The following IMMP2L variants were observed in gnomAD, a reference collection of about 807,000 sequenced individuals.
IMMP2L encodes the protein inner mitochondrial membrane peptidase subunit 2, also known as mitochondrial inner membrane protease subunit 2.
Under a neutral mutation model 19.3 loss-of-function variants are expected in IMMP2L, and 18 were observed. The observed-to-expected ratio is 0.93, with a 90% CI of 0.64 to 1.38. The LOEUF is 1.38. Among genes scored for constraint, IMMP2L ranks in the 40% most tolerant of loss-of-function variants. The probability of loss-of-function intolerance (pLI) is 0.00; values close to 1 mark genes in which losing one functional copy is unlikely to be tolerated. For missense variants in IMMP2L, 233 were observed against 218.2 expected, an observed-to-expected ratio of 1.07 and a Z score of -0.43; for synonymous variants, 76 against 73.0, an observed-to-expected ratio of 1.04 and a Z score of -0.21.
intron 3 of IMMP2L, among the ~76,000 whole-genome samples, chr7:111,015,318 T>C (rs1825388255): frequency 6.6e-6 from 1 of 152,126 alleles, no homozygotes; most frequent in Non-Finnish European, 1.5e-5. Flanking sequence ...AGACAAATAC[T>C]GTATGATTCC....
At chr7:111,206,275 A>G (rs1325591966) in intron 3 of IMMP2L, among the ~76,000 whole-genome samples, 3 of 152,186 alleles carry the variant, frequency 2.0e-5, no homozygotes, top group African/African-American at 7.2e-5. Flanking sequence ...ATCCACCCAG[A>G]GGAAACAAAC....
intron 3 of IMMP2L, among the ~76,000 whole-genome samples, chr7:111,446,001 G>A (rs1248035498): frequency 6.6e-6 from 1 of 151,448 alleles, no homozygotes; most frequent in African/African-American, 2.5e-5. Flanking sequence ...TTTCAGACCG[G>A]CTTAAGAAAC....
chr7:111,229,711 A>T (rs1293673975), intron 3 of IMMP2L, among the ~76,000 whole-genome samples: 1 of 151,992 alleles, frequency 6.6e-6, no homozygotes, highest in Non-Finnish European at 1.5e-5. Context: ...GAATTATCGT[A>T]TATATTAAAA....
At chr7:110,811,611 A>G (rs1304395366) in intron 5 of IMMP2L, among the ~76,000 whole-genome samples, 1 of 152,114 alleles carries the variant, frequency 6.6e-6, no homozygotes, top group African/African-American at 2.4e-5. Context: ...AAATTGAAAT[A>G]GTCTGTGTAT....
At chr7:111,260,926 G>T (rs1278383288) in intron 3 of IMMP2L, among the ~76,000 whole-genome samples, 1 of 151,858 alleles carries the variant, frequency 6.6e-6, no homozygotes, top group Non-Finnish European at 1.5e-5. Flanking sequence ...TACTATTCTT[G>T]ATTACAGCGT....
intron 3 of IMMP2L, among the ~76,000 whole-genome samples, chr7:111,293,903 C>T (rs932355187): frequency 1.3e-5 from 2 of 151,904 alleles, no homozygotes; most frequent in African/African-American, 4.8e-5. Context: ...TAGATTTCAA[C>T]CCAACCCTAT....
intron 2 of IMMP2L, among the ~76,000 whole-genome samples, chr7:111,493,495 G>A (rs967210799): frequency 2.6e-5 from 4 of 152,036 alleles, no homozygotes; most frequent in Non-Finnish European, 5.9e-5. Flanking sequence ...GAGGTCAGGA[G>A]ATCGAGACCA....
chr7:111,505,630 C>CTATGCAGCCATAAAAAATGATG (rs1293826623), intron 2 of IMMP2L, among the ~76,000 whole-genome samples: 1 of 152,118 alleles, frequency 6.6e-6, no homozygotes, highest in Non-Finnish European at 1.5e-5. Flanking sequence ...CCATGGAATA[C>CTATGCAGCCATAAAAAATGATG]TATGCAGCCA....
rs1482228851 is a variant in IMMP2L, at chr7:110,754,643, C to T, written c.409-90922G>A. 4.6e-5 allele frequency among the ~76,000 whole-genome samples: 7 copies of T among 152,134 alleles called. 1 individual carries two copies. The highest frequency in any genetic ancestry group is 1.7e-4 in the African/African-American group (7 of 41,544). ...TTTTAAGTGAACAGATACACATCTG[C>T]TTACCGCTTAGTATAAATCTAATTA... On this transcript the variant is annotated intron_variant, in intron 5 of 5. Coordinates refer to ENST00000405709, the MANE Select transcript of IMMP2L (RefSeq NM_032549.4).
At chr7:111,016,929 A>T in intron 3 of IMMP2L, among the ~76,000 whole-genome samples, 1 of 96,746 alleles carries the variant, frequency 1.0e-5, no homozygotes, top group South Asian at 3.2e-4. Context: ...ATTTATATAT[A>T]CTAATATATA....
chr7:110,813,584 C>T (rs939695453), intron 5 of IMMP2L, among the ~76,000 whole-genome samples: 1 of 151,844 alleles, frequency 6.6e-6, no homozygotes, highest in Non-Finnish European at 1.5e-5. Flanking sequence ...CATGCCACCA[C>T]ACCTGGCCTA....
intron 3 of IMMP2L, among the ~76,000 whole-genome samples, chr7:111,306,517 T>C (rs1461378950): frequency 6.6e-6 from 1 of 152,128 alleles, no homozygotes; most frequent in Non-Finnish European, 1.5e-5. Flanking sequence ...TCTGTCTTTA[T>C]TTATTTGGTA....
At chr7:110,935,980 C>A (rs259018) in intron 4 of IMMP2L, among the ~76,000 whole-genome samples, 73,409 of 151,918 alleles carry the variant, frequency 0.48, 18,354 homozygotes, top group East Asian at 0.81. Context: ...TGGTGATGGG[C>A]AAACTGGCTA....
intron 3 of IMMP2L, among the ~76,000 whole-genome samples, chr7:110,983,091 A>C (rs1174079689): frequency 6.6e-6 from 1 of 152,058 alleles, no homozygotes; most frequent in African/African-American, 2.4e-5. Flanking sequence ...TGAAATGAAA[A>C]CATTGGATGG....
intron 5 of IMMP2L, among the ~76,000 whole-genome samples, chr7:110,734,785 G>A (rs1162764395): frequency 6.6e-6 from 1 of 152,186 alleles, no homozygotes; most frequent in Non-Finnish European, 1.5e-5. Context: ...GCACAAATAA[G>A]GGAACTTGCC....
intron 3 of IMMP2L, among the ~76,000 whole-genome samples, chr7:111,180,191 G>A (rs576149662): frequency 2.6e-5 from 4 of 152,140 alleles, no homozygotes; most frequent in African/African-American, 9.6e-5. Context: ...AAGAGGCCTA[G>A]CTTATGAACT....
chr7:110,923,812 G>C (rs1040809655), intron 4 of IMMP2L, among the ~76,000 whole-genome samples: 1 of 152,036 alleles, frequency 6.6e-6, no homozygotes, highest in Non-Finnish European at 1.5e-5. Flanking sequence ...ATTATTCTTT[G>C]TTTAGGCATT....
At chr7:111,127,167 G>T (rs1801396372) in intron 3 of IMMP2L, among the ~76,000 whole-genome samples, 1 of 152,200 alleles carries the variant, frequency 6.6e-6, no homozygotes, top group South Asian at 2.1e-4. Flanking sequence ...CACAGAGGCT[G>T]ACGTTAGAAT....
chr7:111,378,517 C>T (rs1584870011), intron 3 of IMMP2L, among the ~76,000 whole-genome samples: 1 of 151,898 alleles, frequency 6.6e-6, no homozygotes, highest in African/African-American at 2.4e-5. Flanking sequence ...TTCTATGAAG[C>T]AGGTATTGTT....
Sources: allele counts gnomAD v4.1 joint callset (sites outside exome capture counted in the v4.1 genomes callset), GRCh38; gene constraint gnomAD v4.1.1; transcripts MANE v1.5; gene names NCBI Gene and HGNC (gene_info 2026-07-23, HGNC 2026-07-21).